The following C1orf105 variants were observed in gnomAD, a reference collection of about 807,000 sequenced individuals.
C1orf105 encodes chromosome 1 open reading frame 105.
C1orf105 carries 17 observed loss-of-function variants against 20.8 expected under a neutral mutation model. That is an observed-to-expected ratio of 0.82 (90% confidence interval 0.56 to 1.23). C1orf105 has a LOEUF of 1.23. Among genes scored for constraint, C1orf105 ranks in the 50% most tolerant of loss-of-function variants. The pLI is 0.00. For missense variants in C1orf105, 219 were observed against 213.5 expected (o/e 1.03, Z -0.16); for synonymous variants, 72 against 72.1 (o/e 1.00, Z 0.01).
intron 1 of C1orf105, among the ~76,000 whole-genome samples, chr1:172,440,193 C>A (rs60183720): frequency 2.6e-5 from 4 of 152,044 alleles, no homozygotes; most frequent in Non-Finnish European, 5.9e-5. Context: ...AACAAAATTT[C>A]TGATTTGAAA....
chr1:172,439,774 C>T (rs1185366328), intron 1 of C1orf105, among the ~76,000 whole-genome samples: 1 of 152,158 alleles, frequency 6.6e-6, no homozygotes, highest in Non-Finnish European at 1.5e-5. Flanking sequence ...TACATATAAA[C>T]AAAAACTACA....
intron 3 of C1orf105, among the ~76,000 whole-genome samples, chr1:172,455,163 T>A (rs774610606): frequency 1.3e-5 from 2 of 152,240 alleles, no homozygotes; most frequent in Admixed American, 1.3e-4. Flanking sequence ...GTATTTTAAA[T>A]GTTTCTCAAA....
intron 1 of C1orf105, among the ~76,000 whole-genome samples, chr1:172,426,260 T>C (rs2149157775): frequency 6.6e-6 from 1 of 152,286 alleles, no homozygotes; most frequent in South Asian, 2.1e-4. Context: ...CTGCTGAGCC[T>C]GAAGTGGGGT....
chr1:172,433,632 C>T (rs904744866), intron 1 of C1orf105, among the ~76,000 whole-genome samples: 1 of 152,168 alleles, frequency 6.6e-6, no homozygotes, highest in Non-Finnish European at 1.5e-5. Context: ...ACAACTGGTA[C>T]CAGCCACTGC....
chr1:172,462,300 A>C (rs1388054749), intron 5 of C1orf105, 55 bp downstream of exon 5: 8 of 1,302,426 alleles, frequency 6.1e-6, no homozygotes, highest in African/African-American at 1.5e-5. Flanking sequence ...GTCTGAGGAC[A>C]CAGGAGAGTG....
At chr1:172,432,301 G>T (rs2071897611) in intron 1 of C1orf105, among the ~76,000 whole-genome samples, 1 of 152,224 alleles carries the variant, frequency 6.6e-6, no homozygotes, top group South Asian at 2.1e-4. Context: ...TTGGGTTCCT[G>T]ACCCCCAGGT....
intron 1 of C1orf105, among the ~76,000 whole-genome samples, chr1:172,435,982 C>T (rs1465058996): frequency 6.6e-6 from 1 of 152,190 alleles, no homozygotes; most frequent in African/African-American, 2.4e-5. Flanking sequence ...AGTGAACTCC[C>T]ATTCACAATT....
chr1:172,442,433 T>C, intron 1 of C1orf105: 2 of 1,614,112 alleles, frequency 1.2e-6, no homozygotes, highest in Non-Finnish European at 1.7e-6. Flanking sequence ...ACACAAACAC[T>C]GCACAGCTGC....
intron 1 of C1orf105, among the ~76,000 whole-genome samples, chr1:172,435,311 A>T (rs1416717605): frequency 6.6e-6 from 1 of 152,250 alleles, no homozygotes; most frequent in African/African-American, 2.4e-5. Context: ...ACTTTAGGCC[A>T]ATATCCCTGA....
intron 2 of C1orf105, among the ~76,000 whole-genome samples, chr1:172,447,825 T>C (rs1381897681): frequency 3.3e-5 from 5 of 152,244 alleles, no homozygotes; most frequent in Admixed American, 2.0e-4. Context: ...AGTTTATGAT[T>C]ATCAGGCCCC....
chr1:172,454,290 G>T (rs952493452), intron 3 of C1orf105, among the ~76,000 whole-genome samples: 1 of 151,434 alleles, frequency 6.6e-6, no homozygotes. Flanking sequence ...ATCAGAAGTG[G>T]TCTCTCTGTT....
At chr1:172,434,105 A>C (rs984095425) in intron 1 of C1orf105, among the ~76,000 whole-genome samples, 2 of 152,250 alleles carry the variant, frequency 1.3e-5, no homozygotes, top group African/African-American at 4.8e-5. Flanking sequence ...TTCATAAAGC[A>C]AGTCCTTAGA....
At chr1:172,438,989 TGA>T (rs1342241186) in intron 1 of C1orf105, among the ~76,000 whole-genome samples, 5 of 152,350 alleles carry the variant, frequency 3.3e-5, no homozygotes, top group Admixed American at 3.3e-4. Flanking sequence ...TTTTTAGACA[TGA>T]GAGTGCACAC....
Position 172,423,848 on chromosome 1 carries a change from G to A in C1orf105, c.21+2942G>A, listed in dbSNP as rs183867317. ...ATACTGAAGGATGCATCCATCAGAG[G>A]CTGTTAGCAGAATTGATCAAGCAGA... On this transcript the variant is annotated intron_variant, in intron 1 of 6. Coordinates refer to ENST00000367727, the MANE Select transcript of C1orf105 (RefSeq NM_139240.4). 2.7e-4 allele frequency among the ~76,000 whole-genome samples: 41 copies of A among 152,130 alleles called. 1 individual carries two copies. The East Asian group carries it at 6.8e-3, about 25-fold the overall frequency.
chr1:172,439,290 A>G (rs1027621492), intron 1 of C1orf105, among the ~76,000 whole-genome samples: 1 of 152,210 alleles, frequency 6.6e-6, no homozygotes, highest in Non-Finnish European at 1.5e-5. Flanking sequence ...CACTGACTAC[A>G]GGATACAATA....
chr1:172,460,595 TAA>T (rs59562380), intron 4 of C1orf105, among the ~76,000 whole-genome samples: 3,536 of 151,830 alleles, frequency 0.023, 150 homozygotes, highest in African/African-American at 0.081. Context: ...CAAAATAAAT[TAA>T]GTTTATTTCA....
intron 1 of C1orf105, chr1:172,443,792 C>T (rs1647628248): frequency 4.3e-6 from 1 of 232,714 alleles, no homozygotes; most frequent in Non-Finnish European, 7.8e-6. Flanking sequence ...AGCGCCCGCC[C>T]GCAGAGTGGG....
chr1:172,465,754 C>A, intron 6 of C1orf105: 1 of 445,536 alleles, frequency 2.2e-6, no homozygotes, highest in South Asian at 1.6e-5. Flanking sequence ...CACCAAGGCC[C>A]TGAACCTTTC....
chr1:172,440,010 C>T (rs1438938585), intron 1 of C1orf105, among the ~76,000 whole-genome samples: 1 of 152,096 alleles, frequency 6.6e-6, no homozygotes, highest in African/African-American at 2.4e-5. Flanking sequence ...TTACAGAAAA[C>T]CACCAATTTT....
Sources: gnomAD v4.1 joint callset for allele counts (sites outside exome capture counted in the v4.1 genomes callset) on GRCh38, gnomAD v4.1.1 for gene constraint, MANE v1.5 for transcripts, NCBI Gene and HGNC (gene_info 2026-07-23, HGNC 2026-07-21) for gene names.